Variants in ATF7IP observed in about 807,000 individuals in gnomAD.
The protein encoded by ATF7IP is activating transcription factor 7 interacting protein.
ATF7IP carries 23 observed loss-of-function variants against 106.4 expected under a neutral mutation model. That is an observed-to-expected ratio of 0.22 (90% CI 0.16 to 0.31). The LOEUF is 0.31. Ranked by LOEUF, ATF7IP falls within the 10% of genes least tolerant of loss-of-function variation. The pLI is 1.00. For synonymous variants in ATF7IP, 542 were observed against 539.0 expected (o/e 1.01, Z -0.08); for missense variants, 1,334 against 1,524.3 (o/e 0.88, Z 2.08).
intron 10 of ATF7IP, among the ~76,000 whole-genome samples, chr12:14,467,997 T>C (rs1943894317): frequency 6.6e-6 from 1 of 152,102 alleles, no homozygotes; most frequent in Admixed American, 6.6e-5. Context: ...CTGGGCATGG[T>C]GTCTCACACC....
At chr12:14,412,077 C>G (rs1436847203) in intron 1 of ATF7IP, among the ~76,000 whole-genome samples, 1 of 152,124 alleles carries the variant, frequency 6.6e-6, no homozygotes, top group African/African-American at 2.4e-5. Context: ...TAACCCTTGT[C>G]TAAGACAATT....
At chr12:14,444,307 G>C (rs1352274865) in intron 5 of ATF7IP, among the ~76,000 whole-genome samples, 1 of 152,154 alleles carries the variant, frequency 6.6e-6, no homozygotes, top group Non-Finnish European at 1.5e-5. Flanking sequence ...AATAGAAACT[G>C]TGGGTCTGTT....
chr12:14,476,897 A>C (rs1269837011), intron 11 of ATF7IP, among the ~76,000 whole-genome samples: 1 of 152,228 alleles, frequency 6.6e-6, no homozygotes, highest in African/African-American at 2.4e-5. Flanking sequence ...TAGGTGTTTC[A>C]TGAATATAAA....
intron 1 of ATF7IP, among the ~76,000 whole-genome samples, chr12:14,383,368 T>C (rs898114291): frequency 1.3e-5 from 2 of 152,148 alleles, no homozygotes; most frequent in Non-Finnish European, 2.9e-5. Flanking sequence ...ATTTAAATCT[T>C]TGTGGATCAG....
At chr12:14,459,552 C>T (rs1053306354) in intron 8 of ATF7IP, among the ~76,000 whole-genome samples, 1 of 152,160 alleles carries the variant, frequency 6.6e-6, no homozygotes, top group Non-Finnish European at 1.5e-5. Flanking sequence ...CTTAGCATTG[C>T]TTTTGCTCCA....
intron 12 of ATF7IP, among the ~76,000 whole-genome samples, chr12:14,479,602 T>G (rs1249951570): frequency 6.6e-6 from 1 of 152,210 alleles, no homozygotes; most frequent in Non-Finnish European, 1.5e-5. Flanking sequence ...AACTATTTGT[T>G]AATTAACCTT....
At chr12:14,446,896 A>G (rs911545868) in intron 5 of ATF7IP, 92 bp from the exon 6 acceptor site, 29 of 878,508 alleles carry the variant, frequency 3.3e-5, no homozygotes, top group Admixed American at 3.0e-4. Flanking sequence ...CCTGTTTTCT[A>G]TAGGTTTCTT....
chr12:14,405,999 A>G (rs1363769054), intron 1 of ATF7IP, among the ~76,000 whole-genome samples: 1 of 152,246 alleles, frequency 6.6e-6, no homozygotes, highest in Non-Finnish European at 1.5e-5. Context: ...AATTATTTTA[A>G]AAGCATTAAA....
intron 9 of ATF7IP, among the ~76,000 whole-genome samples, chr12:14,464,853 A>G (rs1430822594): frequency 6.6e-6 from 1 of 152,242 alleles, no homozygotes; most frequent in African/African-American, 2.4e-5. Context: ...TGTGTGTAAC[A>G]TTTTATTAAG....
At chr12:14,476,030 T>A in intron 11 of ATF7IP, 62 bp downstream of exon 11, 1 of 1,117,268 alleles carries the variant, frequency 9.0e-7, no homozygotes, top group Non-Finnish European at 1.4e-6. Context: ...CTTAATACGG[T>A]ACAGTATTCT....
At position 14,425,097 on chromosome 12, in the gene ATF7IP, A is replaced by G. The variant is rs1221690457; in HGVS notation, c.1182A>G (p.Gln394=). 1.9e-6 allele frequency: 3 copies of G among 1,588,774 alleles called. No homozygotes were observed. The African/African-American group carries it at 4.1e-5, about 22-fold the overall frequency. ...DAISSSMEID[Q]GEKNEDETSA... is the part of the protein sequence containing the mutation. ...TATCTAGCAGTATGGAAATTGACCA[A>G]GGTGAAAAGAATGAAGATGAAACTT... The change falls in exon 2 of 15, where the codon CAA becomes CAG. Residue 394 remains glutamine, a synonymous_variant. Transcript: ENST00000261168.
chr12:14,466,091 G>T (rs1943821952), intron 9 of ATF7IP: 1 of 153,944 alleles, frequency 6.5e-6, no homozygotes, highest in Admixed American at 6.6e-5. Flanking sequence ...TTGAACTACT[G>T]AGAAATACAC....
intron 12 of ATF7IP, among the ~76,000 whole-genome samples, chr12:14,479,920 G>A (rs1053806418): frequency 1.3e-5 from 2 of 152,120 alleles, no homozygotes; most frequent in South Asian, 4.1e-4. Context: ...TATAATGACA[G>A]TCATCAAAAT....
chr12:14,436,366 G>A (rs761794694), intron 4 of ATF7IP, 115 bp downstream of exon 4: 4 of 1,080,658 alleles, frequency 3.7e-6, no homozygotes, highest in Non-Finnish European at 5.3e-6. Context: ...ATCATAGAAA[G>A]AAAGAACTTG....
intron 1 of ATF7IP, among the ~76,000 whole-genome samples, chr12:14,366,387 A>G (rs1938294978): frequency 6.6e-6 from 1 of 152,168 alleles, no homozygotes; most frequent in Non-Finnish European, 1.5e-5. Context: ...TGAACTGCAT[A>G]TTTGCAAATA....
rs189551625 is a variant in ATF7IP at position 14,428,899 on chromosome 12, T to C, written c.1558+3426T>C. On this transcript the variant is annotated intron_variant, in intron 2 of 14. Transcript: ENST00000261168. Reference sequence around the variant, plus strand: ...TAATAGGTCTAGAGACATTACTGAATTGTGACATAGTATTATGTTATAACT... The same window carrying C: ...TAATAGGTCTAGAGACATTACTGAACTGTGACATAGTATTATGTTATAACT... 4.9e-4 allele frequency among the ~76,000 whole-genome samples: 74 copies of C among 152,322 alleles called. 1 individual carries two copies. The highest frequency in any genetic ancestry group is 4.4e-3 in the Admixed American group (67 of 15,310).
At chr12:14,449,140 A>G (rs1322674315) in intron 6 of ATF7IP, among the ~76,000 whole-genome samples, 1 of 152,050 alleles carries the variant, frequency 6.6e-6, no homozygotes, top group Non-Finnish European at 1.5e-5. Context: ...GAAGTTATTA[A>G]GTTTGATGCA....
rs59879512 is a variant in ATF7IP, at chr12:14,378,100, CTTTTTTTTT to C, written c.-8+12280_-8+12288del. Among the ~76,000 whole-genome samples, 7 of 137,884 alleles carry C rather than the reference CTTTTTTTTT, an allele frequency of 5.1e-5. No individual in the cohort carries two copies. In the Admixed American group the frequency reaches 5.1e-4, roughly 10 times the overall value. The allele number at this position is 137,884 out of a possible 152,430, so 90.5% of individuals were successfully genotyped here. On this transcript the variant is annotated intron_variant, in intron 1 of 14. Coordinates refer to ENST00000261168, the MANE Select transcript of ATF7IP (RefSeq NM_018179.5). ...CAATATATTCAGTATTTTTCTTTTT[CTTTTTTTTT>C]TTTTTTGAAATGGAATCTTGCTCTG...
At chr12:14,388,847 C>T (rs1278537309) in intron 1 of ATF7IP, among the ~76,000 whole-genome samples, 2 of 151,880 alleles carry the variant, frequency 1.3e-5, no homozygotes, top group Non-Finnish European at 2.9e-5. Flanking sequence ...ATCATGTTGG[C>T]CAAGCTGGTC....
Sources: allele counts gnomAD v4.1 joint callset (sites outside exome capture counted in the v4.1 genomes callset), GRCh38; gene constraint gnomAD v4.1.1; transcripts MANE v1.5; gene names NCBI Gene and HGNC (gene_info 2026-07-23, HGNC 2026-07-21).